CCDC144A: variants seen among roughly 807,000 people sequenced by gnomAD.
The protein encoded by CCDC144A is coiled-coil domain-containing protein 144A.
In CCDC144A, 41 loss-of-function variants were observed where a neutral mutation model predicts 143.8. The ratio of observed to expected loss-of-function variants is 0.29; its 90% CI spans 0.22 to 0.37. The LOEUF is 0.37. Among genes scored for constraint, CCDC144A ranks in the 10% least tolerant of loss-of-function variants. CCDC144A has a pLI of 1.00. For synonymous variants in CCDC144A, 242 were observed against 517.9 expected (o/e 0.47, Z 7.23); for missense variants, 637 against 1,488.8 (o/e 0.43, Z 9.41).
intron 12 of CCDC144A, among the ~76,000 whole-genome samples, chr17:16,752,398 G>A (rs1567606125): frequency 6.6e-6 from 1 of 152,194 alleles, no homozygotes; most frequent in Non-Finnish European, 1.5e-5. Flanking sequence ...CTGTTGCAGA[G>A]GGAGCACACC....
chr17:16,724,379 T>C (rs1913266058), intron 8 of CCDC144A, among the ~76,000 whole-genome samples: 2 of 151,844 alleles, frequency 1.3e-5, no homozygotes. Flanking sequence ...CTACTAAAAA[T>C]ACAAAAAATT....
At chr17:16,756,088 A>AT (rs1261411569) in intron 12 of CCDC144A, among the ~76,000 whole-genome samples, 2 of 152,200 alleles carry the variant, frequency 1.3e-5, no homozygotes, top group Non-Finnish European at 2.9e-5. Context: ...CAGAGAAGAC[A>AT]TTTTTTATTG....
intron 2 of CCDC144A, among the ~76,000 whole-genome samples, chr17:16,698,647 C>G (rs1911551862): frequency 6.6e-6 from 1 of 152,098 alleles, no homozygotes; most frequent in Non-Finnish European, 1.5e-5. Context: ...TTGTTTGGTA[C>G]TCAAGTCCTT....
chr17:16,757,898 G>T (rs537823888), intron 12 of CCDC144A, among the ~76,000 whole-genome samples: 1 of 152,224 alleles, frequency 6.6e-6, no homozygotes, highest in East Asian at 1.9e-4. Context: ...TGGGGGAATC[G>T]GTCCTGGTTT....
chr17:16,761,984 TA>T (rs4003854), intron 13 of CCDC144A, among the ~76,000 whole-genome samples: 12 of 151,592 alleles, frequency 7.9e-5, no homozygotes, highest in East Asian at 1.9e-4. Context: ...ATAGGGAAAG[TA>T]AAAAAAAAAT....
Position 16,728,647 on chromosome 17 carries a change from A to G in CCDC144A, c.2105+907A>G, listed in dbSNP as rs547005593. On this transcript the variant is annotated intron_variant, in intron 9 of 16. Coordinates refer to ENST00000399273, the MANE Select transcript of CCDC144A (RefSeq NM_001382000.1). ...GTTTTCGGTTAAATGGATGAATTGT[A>G]TGGTGGTGAAGTCTGGGATTTTAGT... Among the ~76,000 whole-genome samples, 179 of 152,250 alleles carry G rather than the reference A, an allele frequency of 1.2e-3. 1 individual carries two copies. Among genetic ancestry groups the G allele is most frequent in the Non-Finnish European group, 2.5e-4 (17 of 68,026 alleles).
In CCDC144A at chr17:16,699,331, T is replaced by C. The variant is rs111384787; in HGVS notation, c.416-5820T>C. 3.9e-3 allele frequency among the ~76,000 whole-genome samples: 579 copies of C among 149,418 alleles called. 3 individuals carry two copies. The highest frequency in any genetic ancestry group is 5.5e-3 in the Non-Finnish European group (371 of 67,620). ...CGGCCAGATAAGTTAAAAGTCCTGT[T>C]GATCCTTACTGATCAGTTCCACTAT... On this transcript the variant is annotated intron_variant, in intron 2 of 16. Transcript: ENST00000399273.
chr17:16,701,799 A>G (rs1041613372), intron 2 of CCDC144A, among the ~76,000 whole-genome samples: 12 of 143,032 alleles, frequency 8.4e-5, no homozygotes, highest in African/African-American at 2.9e-4. Context: ...GAGGGTGGGG[A>G]AAAATGGCAT....
chr17:16,766,429 T>C (rs1915599217), intron 15 of CCDC144A: 1 of 152,338 alleles, frequency 6.6e-6, no homozygotes, highest in African/African-American at 2.4e-5. Flanking sequence ...TTTTACAAGA[T>C]AGTGCTGAGA....
chr17:16,769,989 G>A (rs1597599026), intron 15 of CCDC144A, among the ~76,000 whole-genome samples: 1 of 150,708 alleles, frequency 6.6e-6, no homozygotes, highest in East Asian at 2.0e-4. Context: ...CACCACGCCT[G>A]GCTAATTTTT....
rs1597569422 is a variant in CCDC144A at position 16,734,705 on chromosome 17, C to A, written c.2434C>A (p.Gln812Lys). The A allele has an allele frequency of 4.5e-6, 7 of 1,565,186 alleles. No homozygotes were observed. In the East Asian group the frequency reaches 1.4e-4, roughly 30 times the overall value. The change falls in exon 12 of 17, where the codon CAG becomes AAG. Residue 812 changes from glutamine to lysine, a missense_variant. Transcript: ENST00000399273. ...KMNSEISHRH[Q>K]KEKDLFHEDC... ...TCTTACTTAGATTTCTCATAGGCATCAGAAAGAAAAGGATCTCTTTCATGA... is the reference window on the plus strand; with the variant it reads ...TCTTACTTAGATTTCTCATAGGCATAAGAAAGAAAAGGATCTCTTTCATGA...
intron 12 of CCDC144A, among the ~76,000 whole-genome samples, chr17:16,759,396 G>A (rs1461351612): frequency 2.0e-5 from 3 of 152,170 alleles, no homozygotes; most frequent in Non-Finnish European, 4.4e-5. Flanking sequence ...TCAGAAAATG[G>A]TGAGTCGAAC....
At chr17:16,700,990 A>G (rs985638642) in intron 2 of CCDC144A, among the ~76,000 whole-genome samples, 9 of 150,020 alleles carry the variant, frequency 6.0e-5, no homozygotes, top group African/African-American at 2.2e-4. Context: ...CAGATATTCA[A>G]TCATTTTTGT....
intron 15 of CCDC144A, among the ~76,000 whole-genome samples, chr17:16,768,848 T>C (rs1035458069): frequency 2.6e-5 from 4 of 151,276 alleles, no homozygotes; most frequent in African/African-American, 9.8e-5. Flanking sequence ...GTGAAGAATG[T>C]ATGGTAAGAT....
Position 16,709,473 on chromosome 17 carries a change from A to G in CCDC144A, c.1416A>G (p.Lys472=). The G allele has an allele frequency of 2.5e-6, 4 of 1,611,612 alleles. No homozygotes were observed. The highest frequency in any genetic ancestry group is 3.4e-6 in the Non-Finnish European group (4 of 1,179,612). The change falls in exon 5 of 17, where the codon AAA becomes AAG. Residue 472 remains lysine (K), a synonymous_variant. Transcript: ENST00000399273. ...ACAACTATAAAAGCCTGAAACCTAA[A>G]TTAGAAAATCTGAGTTCTTTACCAC... ...STNNYKSLKP[K]LENLSSLPPD... is the part of the protein sequence containing the mutation.
Position 16,725,639 on chromosome 17 carries a change from G to C in CCDC144A, c.1892-1888G>C, listed in dbSNP as rs570928337. ...GGGACTTGTGGGGAAAGAGTGGGAG[G>C]GGGGTGAGGGACAAAAGACTACGGA... On this transcript the variant is annotated intron_variant, in intron 8 of 16. Coordinates refer to ENST00000399273, the MANE Select transcript of CCDC144A (RefSeq NM_001382000.1). 3.2e-4 allele frequency among the ~76,000 whole-genome samples: 48 copies of C among 151,566 alleles called. No homozygotes were observed. In the South Asian group the frequency reaches 7.7e-3, roughly 24 times the overall value.
intron 8 of CCDC144A, among the ~76,000 whole-genome samples, chr17:16,724,930 C>T (rs1355806679): frequency 7.1e-6 from 1 of 140,988 alleles, no homozygotes; most frequent in African/African-American, 2.6e-5. Context: ...GGATTACAGG[C>T]ATGAGCCACC....
At chr17:16,681,082 A>T in the CCDC144A span, among the ~76,000 whole-genome samples, 14 of 152,120 alleles carry the variant, frequency 9.2e-5, no homozygotes, top group African/African-American at 2.9e-4. Flanking sequence ...GTAGATTTTT[A>T]AAAATGAGAT....
At chr17:16,686,090 T>TG (rs796600347), upstream of CCDC144A, among the ~76,000 whole-genome samples, 546 of 137,226 alleles carry the variant, frequency 4.0e-3, 5 homozygotes, top group African/African-American at 0.013. Context: ...CTGTTTTTTT[T>TG]GTTTTTTTTT....
Sources: gnomAD v4.1 joint callset for allele counts (sites outside exome capture counted in the v4.1 genomes callset) on GRCh38, gnomAD v4.1.1 for gene constraint, MANE v1.5 for transcripts, NCBI Gene and HGNC (gene_info 2026-07-23, HGNC 2026-07-21) for gene names.